Variants in IGFALS observed in about 807,000 individuals in gnomAD.
The protein encoded by IGFALS is insulin-like growth factor-binding protein complex acid labile subunit.
IGFALS carries 2 observed loss-of-function variants against 2.6 expected under a neutral mutation model. The observed-to-expected ratio is 0.77, with a 90% CI of 0.32 to 2.44. IGFALS has a LOEUF of 2.44. IGFALS is among the 30% of genes most tolerant of loss of function. The pLI, the probability that IGFALS is intolerant of heterozygous loss-of-function variation, is 0.11. For missense variants in IGFALS, 996 were observed against 848.7 expected (o/e 1.17, Z -2.16); for synonymous variants, 519 against 431.9 (o/e 1.20, Z -2.50).
chr16:1,792,936 T>C (rs1484771692), intron 1 of IGFALS, among the ~76,000 whole-genome samples: 2 of 152,100 alleles, frequency 1.3e-5, no homozygotes, highest in African/African-American at 4.8e-5. Flanking sequence ...CAGGCCTTGG[T>C]CGGGTGCTGC....
In IGFALS at chr16:1,792,047, A is replaced by G. The variant is rs758306817; in HGVS notation, c.371T>C (p.Leu124Pro). ...GTTCCGCTCCAGGTGCAGGTGGCAC[A>G]GGTTCTCTAGGCCCAGCAGCGCCTG... ...EPQALLGLEN[L>P]CHLHLERNQL... The change falls in exon 2 of 2, where the codon CTG (leucine) becomes CCG (proline). Residue 124 changes from leucine to proline, a missense_variant. Physicochemically the swap from Leu to Pro is moderately conservative, Grantham distance 98 (BLOSUM62 -3). Transcript: ENST00000215539. 1.2e-6 allele frequency: 2 copies of G among 1,610,558 alleles called. No individual in the cohort carries two copies. The highest frequency in any genetic ancestry group is 8.5e-7 in the Non-Finnish European group (1 of 1,179,438).
chr16:1,792,179 C>T lies in IGFALS; in HGVS notation c.239G>A (p.Trp80Ter). The change falls in exon 2 of 2, where the codon TGG (tryptophan) becomes TAG (stop). Residue 80 changes from tryptophan to a stop codon, truncating the protein, a stop_gained. Coordinates refer to ENST00000215539, the MANE Select transcript of IGFALS (RefSeq NM_004970.3). LOFTEE classifies it low-confidence loss of function (END_TRUNC). ...DGVPGGTQAL[W>*]LDGNNLSSVP... ...GGACGAGAGGTTGTTGCCGTCCAGC[C>T]ACAGGGCTTGGGTGCCGCCCGGGAC... 1 of 1,611,274 alleles carries T rather than the reference C, an allele frequency of 6.2e-7. No individual in the cohort carries two copies. The highest frequency in any genetic ancestry group is 8.5e-7 in the Non-Finnish European group (1 of 1,179,708).
Position 1,790,556 on chromosome 16 carries a change from G to A in IGFALS, c.*44C>T, listed in dbSNP as rs1468998140. On this transcript the variant is annotated 3_prime_UTR_variant, in exon 2 of 2. Transcript: ENST00000215539. ...AGGACCTGTCCCCAGCACAAGGTGA[G>A]CCAGGTGGGGGCCTGAGTCCGGGGC... 3 of 1,501,504 alleles carry A rather than the reference G, an allele frequency of 2.0e-6. No homozygotes were observed. The highest frequency in any genetic ancestry group is 2.7e-6 in the Non-Finnish European group (3 of 1,103,920). The allele number at this position is 1,501,504 out of a possible 1,614,324, so 93.0% of individuals were successfully genotyped here.
Position 1,791,339 on chromosome 16 carries a change from C to A in IGFALS, c.1079G>T (p.Gly360Val). The A allele has an allele frequency of 6.2e-7, 1 of 1,608,162 alleles. No individual in the cohort carries two copies. Among genetic ancestry groups the A allele is most frequent in the Non-Finnish European group, 8.5e-7 (1 of 1,179,938 alleles). The change falls in exon 2 of 2, where the codon GGC becomes GTC. Residue 360 changes from glycine (G) to valine (V), a missense_variant. Transcript: ENST00000215539. ...LQEVKAGAFLGLTNVAVMNLS... is the reference protein window; with the variant it reads ...LQEVKAGAFLVLTNVAVMNLS... ...GTTCATGACCGCCACGTTGGTGAGG[C>A]CGAGGAAAGCGCCCGCCTTGACCTC...
intron 1 of IGFALS, 144 bp downstream of exon 1, chr16:1,793,493 G>A (rs3817899): frequency 7.4e-6 from 5 of 672,756 alleles, no homozygotes; most frequent in South Asian, 2.3e-5. Context: ...ATTTCCGACT[G>A]TGGGCTCCCC....
chr16:1,790,444 G>A lies in IGFALS; in HGVS notation c.*156C>T, dbSNP rs1215722642. The A allele has an allele frequency of 1.4e-6, 1 of 704,738 alleles. No homozygotes were observed. Among genetic ancestry groups the A allele is most frequent in the Non-Finnish European group, 2.5e-6 (1 of 395,594 alleles). The allele number at this position is 704,738 out of a possible 1,614,324, so 43.7% of individuals were successfully genotyped here. A position where few individuals can be genotyped will look rare whatever the true frequency, so the allele number is the denominator to read the frequency against. On this transcript the variant is annotated 3_prime_UTR_variant, in exon 2 of 2. Coordinates refer to ENST00000215539, the MANE Select transcript of IGFALS (RefSeq NM_004970.3). ...TCGATTGCCTTTGCCTTTAATTGAT[G>A]ACAGCTGGGGGGGCCGCCATGCCTT...
intron 1 of IGFALS, among the ~76,000 whole-genome samples, chr16:1,792,745 C>T (rs1367092374): frequency 6.6e-6 from 1 of 152,274 alleles, no homozygotes; most frequent in Non-Finnish European, 1.5e-5. Context: ...CCAGGCCAGT[C>T]TGCCACGTTG....
chr16:1,794,779 C>T (rs979861885), upstream of IGFALS: 13 of 692,374 alleles, frequency 1.9e-5, no homozygotes, highest in South Asian at 4.5e-5. Context: ...GGGGCACAGC[C>T]AGGGCTCGGG....
At position 1,792,148 on chromosome 16, in the gene IGFALS, G is replaced by A. The variant is rs553703594; in HGVS notation, c.270C>T (p.Pro90=). ...WLDGNNLSSV[P]PAAFQNLSSL... ...TGGAGAGGTTCTGGAAGGCTGCCGG[G>A]GGGACGGACGAGAGGTTGTTGCCGT... The change falls in exon 2 of 2, where the codon CCC becomes CCT. Residue 90 remains proline, a synonymous_variant. Coordinates refer to ENST00000215539, the MANE Select transcript of IGFALS (RefSeq NM_004970.3). 3 of 1,611,620 alleles carry A rather than the reference G, an allele frequency of 1.9e-6. No individual in the cohort carries two copies. Among genetic ancestry groups the A allele is most frequent in the Non-Finnish European group, 2.5e-6 (3 of 1,179,722 alleles).
In IGFALS at chr16:1,792,058, G is replaced by T; in HGVS notation, c.360C>A (p.Gly120=). ...GGTGCAGGTGGCACAGGTTCTCTAG[G>T]CCCAGCAGCGCCTGTGGCTCCAGGC... ...LGSLEPQALL[G]LENLCHLHLE... The change falls in exon 2 of 2, where the codon GGC becomes GGA. Residue 120 remains glycine (G), a synonymous_variant. Transcript: ENST00000215539. The T allele has an allele frequency of 6.2e-7, 1 of 1,610,066 alleles. No homozygotes were observed. Among genetic ancestry groups the T allele is most frequent in the African/African-American group, 1.3e-5 (1 of 75,036 alleles).
upstream of IGFALS, among the ~76,000 whole-genome samples, chr16:1,794,654 AGCCCCTCCCCTCCAGGTCCCTGCAG>A (rs1897293996): frequency 3.9e-5 from 6 of 152,104 alleles, no homozygotes; most frequent in South Asian, 8.3e-4. Context: ...GAGCAGGTGC[AGCCCCTCCCCTCCAGGTCCCTGCAG>A]GCCCCTCCCC....
chr16:1,791,553 G>C lies in IGFALS; in HGVS notation c.865C>G (p.Leu289Val). 2 of 1,574,356 alleles carry C rather than the reference G, an allele frequency of 1.3e-6. No individual in the cohort carries two copies. Among genetic ancestry groups the C allele is most frequent in the Non-Finnish European group, 1.7e-6 (2 of 1,161,736 alleles). The change falls in exon 2 of 2, where the codon CTG becomes GTG. Residue 289 changes from leucine (L) to valine (V), a missense_variant. By Grantham distance (32) the Leu-to-Val change is conservative (BLOSUM62 1). Coordinates refer to ENST00000215539, the MANE Select transcript of IGFALS (RefSeq NM_004970.3). ...AGCCGCAGCACACGCAGGCCCAGCA[G>C]ACCGGGGAACGTGTCCTCCAGGAGG... is the stretch of plus-strand genomic sequence containing the variant. ...AGLLEDTFPG[L>V]LGLRVLRLSH...
In IGFALS at chr16:1,791,551, C is replaced by G. The variant is rs1897227182; in HGVS notation, c.867G>C (p.Leu289=). The change falls in exon 2 of 2, where the codon CTG becomes CTC. Residue 289 remains leucine (L), a synonymous_variant. Coordinates refer to ENST00000215539, the MANE Select transcript of IGFALS (RefSeq NM_004970.3). ...ACAGCCGCAGCACACGCAGGCCCAG[C>G]AGACCGGGGAACGTGTCCTCCAGGA... ...AGLLEDTFPG[L]LGLRVLRLSH... 6.3e-7 allele frequency: 1 copy of G among 1,575,446 alleles called. No homozygotes were observed. The highest frequency in any genetic ancestry group is 8.6e-7 in the Non-Finnish European group (1 of 1,162,322).
upstream of IGFALS, among the ~76,000 whole-genome samples, chr16:1,794,321 C>T (rs1358960881): frequency 6.6e-6 from 1 of 152,190 alleles, no homozygotes; most frequent in Non-Finnish European, 1.5e-5. Flanking sequence ...CCAGCCTCTT[C>T]TAGGAATGCC....
chr16:1,791,887 G>C lies in IGFALS; in HGVS notation c.531C>G (p.Leu177=). 1 of 1,567,858 alleles carries C rather than the reference G, an allele frequency of 6.4e-7. No individual in the cohort carries two copies. The highest frequency in any genetic ancestry group is 8.6e-7 in the Non-Finnish European group (1 of 1,157,480). The stretch of plus-strand genomic sequence containing the variant: ...GGAGCACCGCCAGGCTATTCCAGCC[G>C]AGGTTGAGGTCCCAGAGGCTGCCGA... ...EGLGSLWDLN[L]GWNSLAVLPD... is the part of the protein sequence containing the mutation. The change falls in exon 2 of 2, where the codon CTC becomes CTG. Residue 177 remains leucine (L), a synonymous_variant. Coordinates refer to ENST00000215539, the MANE Select transcript of IGFALS (RefSeq NM_004970.3).
Position 1,793,648 on chromosome 16 carries a change from G to A in IGFALS, c.5C>T (p.Ala2Val), listed in dbSNP as rs1404534998. The part of the protein sequence containing the change: M[A>V]LRKGGLALAL... Reference sequence around the variant, plus strand: ...CTCGGGGGCCTCACCTTTCCTCAGGGCCATCCTGCATGCAGGGCAGGCTGC... The same window carrying A: ...CTCGGGGGCCTCACCTTTCCTCAGGACCATCCTGCATGCAGGGCAGGCTGC... Residue 2 changes from alanine to valine, a missense_variant, in exon 1 of 2, where the codon GCC becomes GTC. By Grantham distance (64) the Ala-to-Val change is moderately conservative. Transcript: ENST00000215539. The A allele has an allele frequency of 1.3e-6, 2 of 1,596,828 alleles. No individual in the cohort carries two copies. The highest frequency in any genetic ancestry group is 1.3e-5 in the African/African-American group (1 of 74,638).
chr16:1,790,894 C>T lies in IGFALS; in HGVS notation c.1524G>A (p.Leu508=). Residue 508 remains leucine, a synonymous_variant, in exon 2 of 2, where the codon CTG becomes CTA. Coordinates refer to ENST00000215539, the MANE Select transcript of IGFALS (RefSeq NM_004970.3). The part of the protein sequence containing the change: ...PNSLLAPLGR[L]RYLSLRNNSL... Reference sequence around the variant, plus strand: ...AGTTGTTCCTGAGGCTGAGGTAGCGCAGCCGCCCCAGTGGTGCCAAGAGGC... The same window carrying T: ...AGTTGTTCCTGAGGCTGAGGTAGCGTAGCCGCCCCAGTGGTGCCAAGAGGC... The T allele has an allele frequency of 1.3e-6, 2 of 1,574,846 alleles. No homozygotes were observed. Among genetic ancestry groups the T allele is most frequent in the Non-Finnish European group, 1.7e-6 (2 of 1,164,962 alleles).
At position 1,791,152 on chromosome 16, in the gene IGFALS, G is replaced by C; in HGVS notation, c.1266C>G (p.Leu422=). The part of the protein sequence containing the change: ...LRRLFLKDNG[L]VGIEEQSLWG... The stretch of plus-strand genomic sequence containing the variant: ...ACAGGCTCTGCTCCTCAATGCCCAC[G>C]AGGCCGTTGTCCTTGAGGAAGAGTC... Residue 422 remains leucine (L), a synonymous_variant, in exon 2 of 2, where the codon CTC becomes CTG. Transcript: ENST00000215539. 3 of 1,606,462 alleles carry C rather than the reference G, an allele frequency of 1.9e-6. 1 individual carries two copies. The South Asian group carries it at 3.3e-5, about 18-fold the overall frequency.
At position 1,793,693 on chromosome 16, in the gene IGFALS, G is replaced by C; in HGVS notation, c.-41C>G. The C allele has an allele frequency of 6.4e-7, 1 of 1,571,398 alleles. No individual in the cohort carries two copies. The highest frequency in any genetic ancestry group is 2.3e-5 in the East Asian group (1 of 43,200). On this transcript the variant is annotated 5_prime_UTR_variant, in exon 1 of 2. Transcript: ENST00000215539. ...GGCTGCAGGCAGGCAGCGAGGGAGG[G>C]TACGTCTGCTGTGCCGGCCACCCCT...
Sources: gnomAD v4.1 joint callset for allele counts (sites outside exome capture counted in the v4.1 genomes callset) on GRCh38, gnomAD v4.1.1 for gene constraint, MANE v1.5 for transcripts, NCBI Gene and HGNC (gene_info 2026-07-23, HGNC 2026-07-21) for gene names.